PRKD1: variants seen among roughly 807,000 people sequenced by gnomAD.
PRKD1 encodes serine/threonine-protein kinase D1.
PRKD1 carries 63 observed loss-of-function variants against 95.9 expected under a neutral mutation model. The observed-to-expected ratio is 0.66, with a 90% CI of 0.54 to 0.81. The LOEUF is 0.81. Among genes scored for constraint, PRKD1 ranks in the 30% least tolerant of loss-of-function variants. PRKD1 has a pLI of 0.00. For synonymous variants in PRKD1, 425 were observed against 423.1 expected, an observed-to-expected ratio of 1.00 and a Z score of -0.05; for missense variants, 1,048 against 1,165.3, an observed-to-expected ratio of 0.90 and a Z score of 1.47.
In PRKD1 at chr14:29,599,696, C is replaced by A. The variant is rs930705882; in HGVS notation, c.2027G>T (p.Gly676Val). ...CTTCGTTATGTGCTCTGGCAACCTG[C>A]CCTTTTCACTTGACAAGATCATTTC... ...MLEMILSSEK[G>V]RLPEHITKFL... Residue 676 changes from glycine to valine, a missense_variant, in exon 14 of 18, where the codon GGC (glycine) becomes GTC (valine). This residue lies in a region of PRKD1 where 739 missense variants were observed against 861.9 expected (regional missense o/e 0.86). Coordinates refer to ENST00000331968, the MANE Select transcript of PRKD1 (RefSeq NM_002742.3). The A allele has an allele frequency of 3.7e-6, 6 of 1,613,358 alleles. No homozygotes were observed. The highest frequency in any genetic ancestry group is 1.7e-5 in the Admixed American group (1 of 59,948).
At chr14:29,602,781 T>C (rs1893569273) in intron 13 of PRKD1, among the ~76,000 whole-genome samples, 1 of 152,158 alleles carries the variant, frequency 6.6e-6, no homozygotes, top group Non-Finnish European at 1.5e-5. Context: ...TATTCCTTTT[T>C]CCTACTCCAC....
chr14:29,581,746 A>T (rs989043376), intron 16 of PRKD1, among the ~76,000 whole-genome samples: 1 of 152,190 alleles, frequency 6.6e-6, no homozygotes, highest in Admixed American at 6.5e-5. Flanking sequence ...GTGTATGTAC[A>T]TCTCTGTGAC....
chr14:29,754,256 T>C (rs1887602292), intron 1 of PRKD1, among the ~76,000 whole-genome samples: 1 of 152,212 alleles, frequency 6.6e-6, no homozygotes, highest in African/African-American at 2.4e-5. Context: ...TTTTAAGACA[T>C]TACAAATAAC....
chr14:29,591,856 C>A (rs1164423363), intron 16 of PRKD1, among the ~76,000 whole-genome samples: 2 of 152,036 alleles, frequency 1.3e-5, no homozygotes, highest in African/African-American at 4.8e-5. Context: ...ACATACCACA[C>A]ACTGGAAACA....
chr14:29,854,702 T>C (rs116539020), intron 1 of PRKD1, among the ~76,000 whole-genome samples: 13 of 152,330 alleles, frequency 8.5e-5, no homozygotes, highest in African/African-American at 2.9e-4. Context: ...CTCCAGACCA[T>C]GTCAGAGGTC....
intron 1 of PRKD1, among the ~76,000 whole-genome samples, chr14:29,766,109 GAGA>G (rs1265909854): frequency 3.3e-5 from 5 of 152,100 alleles, no homozygotes; most frequent in African/African-American, 9.7e-5. Context: ...CGAAGAGAAG[GAGA>G]AGGAGAGGAG....
At chr14:29,771,774 A>G (rs1888519201) in intron 1 of PRKD1, among the ~76,000 whole-genome samples, 1 of 152,210 alleles carries the variant, frequency 6.6e-6, no homozygotes. Flanking sequence ...AATGCCTGCA[A>G]ACTTGAAAGC....
intron 1 of PRKD1, among the ~76,000 whole-genome samples, chr14:29,879,329 C>T (rs528067254): frequency 7.2e-5 from 11 of 152,328 alleles, no homozygotes; most frequent in African/African-American, 1.7e-4. Context: ...CGGTCTCTCC[C>T]GTGCTATTCT....
chr14:29,752,184 T>C (rs1887506660), intron 1 of PRKD1, among the ~76,000 whole-genome samples: 1 of 152,212 alleles, frequency 6.6e-6, no homozygotes, highest in African/African-American at 2.4e-5. Flanking sequence ...TTACAATAAA[T>C]GTGTTTCACA....
rs114175259 is a variant in PRKD1 at position 29,889,063 on chromosome 14, T to C, written c.264+38186A>G. On this transcript the variant is annotated intron_variant, in intron 1 of 17. Transcript: ENST00000331968. ...GTTTGGGTTCTGTTCAGGTGACTAA[T>C]ATTAACAGCATTGGTCCTCTAGTCC... Among the ~76,000 whole-genome samples, 534 of 152,310 alleles carry C rather than the reference T, an allele frequency of 3.5e-3. 2 individuals carry two copies. Among genetic ancestry groups the C allele is most frequent in the African/African-American group, 0.011 (476 of 41,578 alleles).
At chr14:29,729,598 C>T (rs992630739) in intron 1 of PRKD1, among the ~76,000 whole-genome samples, 9 of 151,890 alleles carry the variant, frequency 5.9e-5, no homozygotes, top group Non-Finnish European at 1.2e-4. Context: ...TTGTAATGAA[C>T]CAGCAGTTGT....
chr14:29,702,267 T>C (rs2139330067), intron 2 of PRKD1, among the ~76,000 whole-genome samples: 1 of 152,264 alleles, frequency 6.6e-6, no homozygotes, highest in South Asian at 2.1e-4. Context: ...TAGGTTTAAC[T>C]GTCAAACTGT....
intron 1 of PRKD1, among the ~76,000 whole-genome samples, chr14:29,822,580 C>G (rs1405709368): frequency 6.6e-6 from 1 of 152,274 alleles, no homozygotes; most frequent in Admixed American, 6.5e-5. Flanking sequence ...AAATCTCATG[C>G]TGAGAAATCC....
chr14:29,733,690 A>G (rs1886569846), intron 1 of PRKD1, among the ~76,000 whole-genome samples: 1 of 152,102 alleles, frequency 6.6e-6, no homozygotes, highest in African/African-American at 2.4e-5. Flanking sequence ...CACTATCATG[A>G]GAATAGCATG....
chr14:29,745,010 T>C (rs750309371), intron 1 of PRKD1, among the ~76,000 whole-genome samples: 2 of 152,178 alleles, frequency 1.3e-5, no homozygotes, highest in Non-Finnish European at 2.9e-5. Flanking sequence ...GCCTTATTAC[T>C]GTTTTTCAAA....
chr14:29,673,793 T>A (rs1032705387), intron 2 of PRKD1, among the ~76,000 whole-genome samples: 1 of 152,200 alleles, frequency 6.6e-6, no homozygotes, highest in Non-Finnish European at 1.5e-5. Context: ...TTACAAAGTG[T>A]CTAGCAGTGC....
chr14:29,789,895 C>T lies in PRKD1; in HGVS notation c.265-64221G>A, dbSNP rs77807768. Among the ~76,000 whole-genome samples the T allele has an allele frequency of 8.2e-3, 1,246 of 151,666 alleles. 19 individuals are homozygous for T. Among genetic ancestry groups the T allele is most frequent in the African/African-American group, 0.029 (1,199 of 41,334 alleles). The stretch of plus-strand genomic sequence containing the variant: ...GGCTCCCTGATAGTGTATGCAGACA[C>T]AAGTGATAGCAAGCCAGGTGGATCA... On this transcript the variant is annotated intron_variant, in intron 1 of 17. Coordinates refer to ENST00000331968, the MANE Select transcript of PRKD1 (RefSeq NM_002742.3).
intron 1 of PRKD1, among the ~76,000 whole-genome samples, chr14:29,845,028 A>G (rs1047412919): frequency 6.6e-6 from 1 of 152,208 alleles, no homozygotes; most frequent in Non-Finnish European, 1.5e-5. Flanking sequence ...CAGCATGCCA[A>G]TCTAACTTGT....
At chr14:29,670,992 A>G (rs552674353) in intron 2 of PRKD1, among the ~76,000 whole-genome samples, 5 of 152,248 alleles carry the variant, frequency 3.3e-5, no homozygotes, top group African/African-American at 1.2e-4. Context: ...TTAACATCTG[A>G]CCAGAAAATT....
Sources: allele counts gnomAD v4.1 joint callset (sites outside exome capture counted in the v4.1 genomes callset), GRCh38; gene constraint gnomAD v4.1.1; regional missense constraint gnomAD v4.1.1; transcripts MANE v1.5; gene names NCBI Gene and HGNC (gene_info 2026-07-23, HGNC 2026-07-21).